Variants in SCAPER observed in about 807,000 individuals in gnomAD.
SCAPER encodes S phase cyclin A-associated protein in the endoplasmic reticulum.
Under a neutral mutation model 182.2 loss-of-function variants are expected in SCAPER, and 98 were observed. That is an observed-to-expected ratio of 0.54 (90% CI 0.46 to 0.64). SCAPER has a LOEUF of 0.64. Ranked by LOEUF, SCAPER falls within the 30% of genes least tolerant of loss-of-function variation. The probability of loss-of-function intolerance (pLI) is 0.00; values close to 1 mark genes in which losing one functional copy is unlikely to be tolerated. For synonymous variants in SCAPER, 605 were observed against 564.6 expected (o/e 1.07, Z -1.01); for missense variants, 1,432 against 1,690.0 (o/e 0.85, Z 2.68).
In SCAPER at chr15:76,404,505, GA is replaced by G. The variant is rs771163036; in HGVS notation, c.3467+18del. On this transcript the variant is annotated intron_variant, in intron 27 of 31. Transcript: ENST00000563290. Reference sequence around the variant, plus strand: ...GTTCCAAAAGTTGAGTCTAGATTGAGATCAAGTAGATGCCTTACCTTCCAGT... The same window carrying G: ...GTTCCAAAAGTTGAGTCTAGATTGAGTCAAGTAGATGCCTTACCTTCCAGT... 36 of 1,583,882 alleles carry G rather than the reference GA, an allele frequency of 2.3e-5. No individual in the cohort carries two copies. Among genetic ancestry groups the G allele is most frequent in the Non-Finnish European group, 3.5e-6 (4 of 1,159,376 alleles).
intron 21 of SCAPER, among the ~76,000 whole-genome samples, chr15:76,645,596 C>A (rs1174781352): frequency 1.3e-5 from 2 of 151,496 alleles, no homozygotes; most frequent in Non-Finnish European, 2.9e-5. Context: ...TCTTTCCTGA[C>A]TGCCCCAGTC....
intron 24 of SCAPER, chr15:76,498,605 A>G (rs1416976331): frequency 6.6e-6 from 1 of 152,250 alleles, no homozygotes; most frequent in Non-Finnish European, 1.5e-5. Context: ...TCCAACCTTC[A>G]TCTGGCAGTG....
Position 76,419,335 on chromosome 15 carries a change from G to GAA in SCAPER, c.3312-14658_3312-14657dup, listed in dbSNP as rs71444980. Among the ~76,000 whole-genome samples the GAA allele has an allele frequency of 4.1e-3, 382 of 92,598 alleles. 6 individuals are homozygous for GAA. Among genetic ancestry groups the GAA allele is most frequent in the South Asian group, 0.016 (41 of 2,568 alleles). 60.7% of individuals were successfully genotyped at this position (92,598 alleles called of 152,430 possible). ...CAAGAGTGAAACTCCGTCTCAAAAA[G>GAA]AAAAAAAAAAAAAAAGAAAAGAAAA... On this transcript the variant is annotated intron_variant, in intron 26 of 31. Coordinates refer to ENST00000563290, the MANE Select transcript of SCAPER (RefSeq NM_020843.4).
At chr15:76,459,509 T>C (rs1263326873) in intron 25 of SCAPER, among the ~76,000 whole-genome samples, 1 of 151,184 alleles carries the variant, frequency 6.6e-6, no homozygotes, top group South Asian at 2.1e-4. Context: ...TATCTATTCA[T>C]GTCTTTTGCT....
At chr15:76,627,116 A>G (rs2146191868) in intron 21 of SCAPER, among the ~76,000 whole-genome samples, 1 of 152,256 alleles carries the variant, frequency 6.6e-6, no homozygotes, top group East Asian at 1.9e-4. Flanking sequence ...TTTGTTCATT[A>G]TTAATCTCAA....
At chr15:76,601,269 T>C (rs1031427915) in intron 22 of SCAPER, among the ~76,000 whole-genome samples, 1 of 122,030 alleles carries the variant, frequency 8.2e-6, no homozygotes, top group African/African-American at 2.5e-5. Flanking sequence ...GCAATTTATA[T>C]GATTACATAT....
At chr15:76,576,592 T>C (rs552625998) in intron 22 of SCAPER, among the ~76,000 whole-genome samples, 26 of 152,300 alleles carry the variant, frequency 1.7e-4, no homozygotes, top group Admixed American at 5.9e-4. Flanking sequence ...CCGAAAGTTG[T>C]GTGAATCACC....
At chr15:76,351,176 G>C in intron 31 of SCAPER, 61 bp downstream of exon 31, 2 of 1,447,496 alleles carry the variant, frequency 1.4e-6, no homozygotes, top group Non-Finnish European at 1.9e-6. Context: ...CAGAGGAAAG[G>C]ATAAGAAAGA....
chr15:76,558,940 C>T (rs1252056995), intron 23 of SCAPER, among the ~76,000 whole-genome samples: 1 of 152,100 alleles, frequency 6.6e-6, no homozygotes, highest in Non-Finnish European at 1.5e-5. Context: ...ACCCAATATC[C>T]CCACGTGTCA....
intron 23 of SCAPER, among the ~76,000 whole-genome samples, chr15:76,570,102 T>C (rs527592053): frequency 6.6e-6 from 1 of 152,284 alleles, no homozygotes; most frequent in East Asian, 1.9e-4. Context: ...ATTGCTTCTG[T>C]TAGCCACCTG....
At chr15:76,722,614 T>G (rs1282257795) in intron 17 of SCAPER, among the ~76,000 whole-genome samples, 3 of 152,218 alleles carry the variant, frequency 2.0e-5, no homozygotes, top group African/African-American at 7.2e-5. Flanking sequence ...AGCCTGTTAT[T>G]GGTCTATTCA....
chr15:76,516,888 G>A (rs1159483329), intron 23 of SCAPER, among the ~76,000 whole-genome samples: 4 of 152,186 alleles, frequency 2.6e-5, no homozygotes, highest in East Asian at 3.9e-4. Context: ...GCAACATTTC[G>A]AGGGCTTATC....
chr15:76,897,981 G>A (rs1012675905), intron 1 of SCAPER, among the ~76,000 whole-genome samples: 1 of 152,072 alleles, frequency 6.6e-6, no homozygotes, highest in African/African-American at 2.4e-5. Flanking sequence ...TACCACAAAG[G>A]ATTTCTGGGG....
intron 4 of SCAPER, among the ~76,000 whole-genome samples, chr15:76,855,138 T>C (rs1488370606): frequency 6.6e-6 from 1 of 152,084 alleles, no homozygotes; most frequent in African/African-American, 2.4e-5. Context: ...CACCTACAAC[T>C]ATCTGATCTT....
chr15:76,502,573 G>A (rs2041231775), intron 24 of SCAPER, among the ~76,000 whole-genome samples: 2 of 152,016 alleles, frequency 1.3e-5, no homozygotes, highest in African/African-American at 2.4e-5. Flanking sequence ...GGCCTGTCGT[G>A]GGGTGGGAGG....
At chr15:76,842,383 G>C (rs140105508) in intron 4 of SCAPER, among the ~76,000 whole-genome samples, 1 of 152,150 alleles carries the variant, frequency 6.6e-6, no homozygotes, top group African/African-American at 2.4e-5. Context: ...CCCCCATGCT[G>C]TTCTCATGAT....
At chr15:76,504,067 T>G (rs10162698) in intron 24 of SCAPER, among the ~76,000 whole-genome samples, 1,719 of 152,140 alleles carry the variant, frequency 0.011, 37 homozygotes, top group African/African-American at 0.038. Context: ...TGTTAATGTT[T>G]TGTAGGGACG....
Position 76,905,331 on chromosome 15 carries a change from A to G in SCAPER, c.-92T>C. On this transcript the variant is annotated 5_prime_UTR_variant, in exon 1 of 32. Coordinates refer to ENST00000563290, the MANE Select transcript of SCAPER (RefSeq NM_020843.4). ...CGCCCTGCTTAGTTCGGGGCGGCTC[A>G]AAGCGTCCCGCCGGGAAAGGGGCGT... 4.1e-6 allele frequency: 1 copy of G among 241,654 alleles called. No homozygotes were observed. Among genetic ancestry groups the G allele is most frequent in the Non-Finnish European group, 8.7e-6 (1 of 115,574 alleles). 15.0% of individuals were successfully genotyped at this position (241,654 alleles called of 1,614,324 possible).
At chr15:76,652,245 T>C (rs1415082020) in intron 21 of SCAPER, among the ~76,000 whole-genome samples, 75 of 59,432 alleles carry the variant, frequency 1.3e-3, no homozygotes, top group Middle Eastern at 0.026. Flanking sequence ...TGGCGAACGC[T>C]GTGTCTCTGC....
Sources: gnomAD v4.1 joint callset for allele counts (sites outside exome capture counted in the v4.1 genomes callset) on GRCh38, gnomAD v4.1.1 for gene constraint, MANE v1.5 for transcripts, NCBI Gene and HGNC (gene_info 2026-07-23, HGNC 2026-07-21) for gene names.